The following FNDC3B variants were observed in gnomAD, a reference collection of about 807,000 sequenced individuals.
FNDC3B encodes the protein fibronectin type III domain containing 3B, also known as fibronectin type III domain-containing protein 3B.
In FNDC3B, 12 loss-of-function variants were observed where a neutral mutation model predicts 151.5. That is an observed-to-expected ratio of 0.08 (90% CI 0.05 to 0.13). The LOEUF is 0.13. Among genes scored for constraint, FNDC3B ranks in the 10% least tolerant of loss-of-function variants. FNDC3B has a pLI of 1.00. For missense variants in FNDC3B, 1,214 were observed against 1,505.3 expected, an observed-to-expected ratio of 0.81 and a Z score of 3.20; for synonymous variants, 528 against 549.0, an observed-to-expected ratio of 0.96 and a Z score of 0.54.
At chr3:172,104,811 G>A (rs1163968686) in intron 1 of FNDC3B, among the ~76,000 whole-genome samples, 1 of 152,110 alleles carries the variant, frequency 6.6e-6, no homozygotes, top group Non-Finnish European at 1.5e-5. Context: ...ATCACATTGT[G>A]TTTCTATTTT....
chr3:172,072,338 C>G (rs1278790441), intron 1 of FNDC3B, among the ~76,000 whole-genome samples: 3 of 151,402 alleles, frequency 2.0e-5, no homozygotes, highest in Non-Finnish European at 4.4e-5. Flanking sequence ...TTGTAGTTTG[C>G]GTTTCCTGGG....
chr3:172,392,875 C>T (rs1560114198), intron 25 of FNDC3B, among the ~76,000 whole-genome samples: 1 of 141,630 alleles, frequency 7.1e-6, no homozygotes, highest in Non-Finnish European at 1.5e-5. Flanking sequence ...GGCACAATCT[C>T]GGCTCACTAA....
intron 3 of FNDC3B, among the ~76,000 whole-genome samples, chr3:172,190,127 A>T (rs1724427974): frequency 6.6e-6 from 1 of 152,108 alleles, no homozygotes; most frequent in Non-Finnish European, 1.5e-5. Context: ...CCTTGCTAGA[A>T]TGCTTCCTCT....
At chr3:172,260,028 C>T (rs1728567145) in intron 6 of FNDC3B, among the ~76,000 whole-genome samples, 1 of 152,180 alleles carries the variant, frequency 6.6e-6, no homozygotes, top group South Asian at 2.1e-4. Flanking sequence ...TAGTACTGAA[C>T]TCTGTAAACC....
intron 11 of FNDC3B, among the ~76,000 whole-genome samples, chr3:172,311,308 GA>G (rs1184827216): frequency 6.6e-6 from 1 of 152,160 alleles, no homozygotes; most frequent in African/African-American, 2.4e-5. Flanking sequence ...TTACACTGTT[GA>G]GTGGCCTCTG....
intron 2 of FNDC3B, among the ~76,000 whole-genome samples, chr3:172,116,484 G>T (rs976839947): frequency 1.3e-5 from 2 of 152,074 alleles, no homozygotes; most frequent in African/African-American, 4.8e-5. Flanking sequence ...TGTCTCTGTA[G>T]GTAGATATTG....
intron 6 of FNDC3B, among the ~76,000 whole-genome samples, chr3:172,269,872 C>T (rs1351169728): frequency 2.6e-5 from 4 of 152,178 alleles, no homozygotes; most frequent in Non-Finnish European, 5.9e-5. Flanking sequence ...TGGTCTCGAT[C>T]TCCTGACCTC....
intron 1 of FNDC3B, among the ~76,000 whole-genome samples, chr3:172,096,220 TACAG>T (rs988277157): frequency 6.6e-6 from 1 of 152,210 alleles, no homozygotes; most frequent in African/African-American, 2.4e-5. Context: ...AAATAGGTGC[TACAG>T]ACAGTTAACA....
chr3:172,073,784 A>G (rs1717887494), intron 1 of FNDC3B, among the ~76,000 whole-genome samples: 1 of 152,070 alleles, frequency 6.6e-6, no homozygotes, highest in Non-Finnish European at 1.5e-5. Flanking sequence ...TTGAACCTTT[A>G]CAACTGACTC....
chr3:172,136,921 T>C (rs554193175), intron 3 of FNDC3B, among the ~76,000 whole-genome samples: 19 of 152,220 alleles, frequency 1.2e-4, no homozygotes, highest in Admixed American at 6.5e-4. Flanking sequence ...AGGATTTCAC[T>C]GTGTTAACCA....
chr3:172,111,261 A>G (rs1016745200), intron 1 of FNDC3B, among the ~76,000 whole-genome samples: 3 of 152,172 alleles, frequency 2.0e-5, no homozygotes, highest in Admixed American at 6.5e-5. Flanking sequence ...AGTTCAAACA[A>G]TTAAGTCATG....
At chr3:172,180,589 A>C (rs1560004645) in intron 3 of FNDC3B, among the ~76,000 whole-genome samples, 1 of 152,212 alleles carries the variant, frequency 6.6e-6, no homozygotes, top group Non-Finnish European at 1.5e-5. Context: ...AAGAGAATGT[A>C]TCTAAGGAGG....
intron 24 of FNDC3B, among the ~76,000 whole-genome samples, chr3:172,379,150 G>A (rs554911110): frequency 4.6e-5 from 7 of 152,214 alleles, no homozygotes; most frequent in Admixed American, 2.0e-4. Context: ...GCAGGAAATA[G>A]CAATAGAAAC....
intron 1 of FNDC3B, among the ~76,000 whole-genome samples, chr3:172,108,904 G>A (rs1719816378): frequency 6.6e-6 from 1 of 152,170 alleles, no homozygotes; most frequent in South Asian, 2.1e-4. Flanking sequence ...CATTTTAAGG[G>A]ACAGCTTGGC....
chr3:172,304,293 C>T (rs1257378259), intron 9 of FNDC3B, among the ~76,000 whole-genome samples: 1 of 152,238 alleles, frequency 6.6e-6, no homozygotes, highest in Non-Finnish European at 1.5e-5. Flanking sequence ...CCCTGCCTTC[C>T]TCCCTCTGCT....
rs1026962175 is a variant in FNDC3B at position 172,102,051 on chromosome 3, T to C, written c.-28-10401T>C. Among the ~76,000 whole-genome samples, 7 of 152,306 alleles carry C rather than the reference T, an allele frequency of 4.6e-5. No individual in the cohort carries two copies. In the East Asian group the frequency reaches 1.2e-3, roughly 25 times the overall value. ...TTTTCTGTTTTGTACCATGTGCTTG[T>C]TTTATCTAGTCTTTAAAACTCACTA... On this transcript the variant is annotated intron_variant, in intron 1 of 25. Transcript: ENST00000415807.
At position 172,263,586 on chromosome 3, in the gene FNDC3B, GTTTTT is replaced by G. The variant is rs35762662; in HGVS notation, c.790+12066_790+12070del. ...TGCCTTAATTATTCAGCTATCAAGTGTTTTTTTTTTTTTTTTTTTTTTTTTGACAC... is the reference window on the plus strand; with the variant it reads ...TGCCTTAATTATTCAGCTATCAAGTGTTTTTTTTTTTTTTTTTTTTGACAC... On this transcript the variant is annotated intron_variant, in intron 6 of 25. Transcript: ENST00000415807. 9.8e-3 allele frequency among the ~76,000 whole-genome samples: 999 copies of G among 102,174 alleles called. 5 individuals carry two copies. The highest frequency in any genetic ancestry group is 0.019 in the African/African-American group (463 of 24,804). 67.0% of individuals were successfully genotyped at this position (102,174 alleles called of 152,430 possible).
chr3:172,385,158 A>G (rs1398480404), intron 25 of FNDC3B, among the ~76,000 whole-genome samples: 1 of 152,158 alleles, frequency 6.6e-6, no homozygotes, highest in Non-Finnish European at 1.5e-5. Context: ...GACATGAGCT[A>G]GGGAATGAAA....
chr3:172,331,926 C>T (rs13096537), intron 13 of FNDC3B, among the ~76,000 whole-genome samples: 122 of 152,018 alleles, frequency 8.0e-4, no homozygotes, highest in Non-Finnish European at 1.6e-3. Flanking sequence ...ATACAACTCT[C>T]GAGCACCTGA....
Sources: allele counts gnomAD v4.1 joint callset (sites outside exome capture counted in the v4.1 genomes callset), GRCh38; gene constraint gnomAD v4.1.1; transcripts MANE v1.5; gene names NCBI Gene and HGNC (gene_info 2026-07-23, HGNC 2026-07-21).